The following DOK6 variants were observed in gnomAD, a reference collection of about 807,000 sequenced individuals.
The protein encoded by DOK6 is downstream of tyrosine kinase 6.
In DOK6, 22 loss-of-function variants were observed where a neutral mutation model predicts 44.0. That is an observed-to-expected ratio of 0.50 (90% CI 0.36 to 0.71). DOK6 has a LOEUF of 0.71. DOK6 is among the 30% of genes least tolerant of loss of function. DOK6 has a pLI of 0.00. For missense variants in DOK6, 340 were observed against 416.4 expected (o/e 0.82, Z 1.60); for synonymous variants, 166 against 145.5 (o/e 1.14, Z -1.01).
intron 3 of DOK6, among the ~76,000 whole-genome samples, chr18:69,676,075 C>T (rs1985915775): frequency 1.3e-5 from 2 of 152,220 alleles, no homozygotes; most frequent in Non-Finnish European, 2.9e-5. Context: ...TGACTCCACT[C>T]AAGTGAGGGA....
At chr18:69,600,467 T>G (rs1309185404) in intron 3 of DOK6, among the ~76,000 whole-genome samples, 1 of 152,136 alleles carries the variant, frequency 6.6e-6, no homozygotes, top group Non-Finnish European at 1.5e-5. Context: ...CTGACCTCCT[T>G]GCATCATTTA....
At position 69,532,107 on chromosome 18, in the gene DOK6, C is replaced by T. The variant is rs557544186; in HGVS notation, c.67-32380C>T. The stretch of plus-strand genomic sequence containing the variant: ...CCCTCACTAAGAACTGAATCTGCTC[C>T]GACTTTGACCTTGGACTTCCTGGCT... On this transcript the variant is annotated intron_variant, in intron 1 of 7. Transcript: ENST00000382713. Among the ~76,000 whole-genome samples, 8 of 152,288 alleles carry T rather than the reference C, an allele frequency of 5.3e-5. No individual in the cohort carries two copies. The South Asian group carries it at 1.5e-3, about 28-fold the overall frequency.
chr18:69,578,514 A>G (rs1017037191), intron 2 of DOK6, among the ~76,000 whole-genome samples: 3 of 152,226 alleles, frequency 2.0e-5, no homozygotes, highest in African/African-American at 7.2e-5. Context: ...ATAGTGTGAA[A>G]GAATGTTCGG....
chr18:69,833,681 C>G (rs1981964622), intron 7 of DOK6, among the ~76,000 whole-genome samples: 1 of 151,844 alleles, frequency 6.6e-6, no homozygotes, highest in Admixed American at 6.6e-5. Context: ...TATTAATAAC[C>G]AGAATATATA....
At chr18:69,714,509 T>C (rs747410675) in intron 5 of DOK6, among the ~76,000 whole-genome samples, 4 of 152,202 alleles carry the variant, frequency 2.6e-5, no homozygotes, top group Non-Finnish European at 5.9e-5. Context: ...TATTGGCTCA[T>C]GCACCAATAT....
At chr18:69,436,009 T>A (rs2122433241) in intron 1 of DOK6, among the ~76,000 whole-genome samples, 2 of 152,294 alleles carry the variant, frequency 1.3e-5, no homozygotes, top group South Asian at 4.1e-4. Context: ...TGTACTATTT[T>A]AACTGAAGGT....
chr18:69,436,935 T>C (rs1978997123), intron 1 of DOK6, among the ~76,000 whole-genome samples: 2 of 152,230 alleles, frequency 1.3e-5, no homozygotes, highest in African/African-American at 4.8e-5. Context: ...TTTTCTATGT[T>C]TGTTGCCTGC....
intron 3 of DOK6, among the ~76,000 whole-genome samples, chr18:69,627,631 A>G (rs984913867): frequency 2.0e-5 from 3 of 151,846 alleles, no homozygotes; most frequent in Non-Finnish European, 4.4e-5. Flanking sequence ...TTGTATTTTT[A>G]GTAGAGACGG....
At chr18:69,524,233 G>A (rs1981767756) in intron 1 of DOK6, among the ~76,000 whole-genome samples, 1 of 151,874 alleles carries the variant, frequency 6.6e-6, no homozygotes, top group Non-Finnish European at 1.5e-5. Flanking sequence ...AAAGTTACAT[G>A]GTGAATTAAT....
chr18:69,667,628 ACT>A (rs1186225011), intron 3 of DOK6, among the ~76,000 whole-genome samples: 2 of 151,764 alleles, frequency 1.3e-5, no homozygotes, highest in African/African-American at 4.8e-5. Context: ...AAAGTCAGCT[ACT>A]CTCTCCTCCT....
At chr18:69,757,505 T>C (rs939375290) in intron 6 of DOK6, among the ~76,000 whole-genome samples, 4 of 152,238 alleles carry the variant, frequency 2.6e-5, no homozygotes, top group Non-Finnish European at 4.4e-5. Flanking sequence ...TCCCCATTGC[T>C]ACAAGTCATT....
intron 1 of DOK6, among the ~76,000 whole-genome samples, chr18:69,520,278 C>CAAAA (rs34729428): frequency 0.2 from 29,801 of 151,324 alleles, 3,133 homozygotes; most frequent in African/African-American, 0.24. Context: ...TAGACCTAGT[C>CAAAA]AAAAATATAC....
chr18:69,443,045 T>C (rs1419457591), intron 1 of DOK6, among the ~76,000 whole-genome samples: 1 of 152,238 alleles, frequency 6.6e-6, no homozygotes, highest in Admixed American at 6.5e-5. Flanking sequence ...CTCATTTTTT[T>C]TCATTTGGTA....
At chr18:69,504,061 A>G (rs1981119088) in intron 1 of DOK6, among the ~76,000 whole-genome samples, 1 of 152,076 alleles carries the variant, frequency 6.6e-6, no homozygotes, top group South Asian at 2.1e-4. Context: ...ATAATACTGT[A>G]GGTTTCCATG....
At chr18:69,421,532 G>T (rs778684888) in intron 1 of DOK6, among the ~76,000 whole-genome samples, 1 of 152,126 alleles carries the variant, frequency 6.6e-6, no homozygotes, top group Non-Finnish European at 1.5e-5. Context: ...AAAATGCCAG[G>T]TGCATGGTAA....
intron 7 of DOK6, among the ~76,000 whole-genome samples, chr18:69,830,421 A>T (rs1319083744): frequency 6.6e-6 from 1 of 152,186 alleles, no homozygotes; most frequent in East Asian, 1.9e-4. Context: ...TGTTCTTATA[A>T]GAAAAGGAGA....
intron 1 of DOK6, among the ~76,000 whole-genome samples, chr18:69,553,903 A>G (rs1982626061): frequency 6.6e-6 from 1 of 152,176 alleles, no homozygotes. Context: ...TTTCAGTCTC[A>G]TGAGTGGTTT....
chr18:69,812,017 G>T (rs1250099816), intron 7 of DOK6, among the ~76,000 whole-genome samples: 2 of 151,680 alleles, frequency 1.3e-5, no homozygotes, highest in African/African-American at 4.8e-5. Flanking sequence ...AAACTATGAA[G>T]ACTACAATAT....
intron 1 of DOK6, among the ~76,000 whole-genome samples, chr18:69,423,473 T>C (rs544468025): frequency 1.3e-5 from 2 of 152,228 alleles, no homozygotes; most frequent in African/African-American, 4.8e-5. Flanking sequence ...CTACATAAGT[T>C]AATCACTTTT....
Sources: allele counts gnomAD v4.1 joint callset (sites outside exome capture counted in the v4.1 genomes callset), GRCh38; gene constraint gnomAD v4.1.1; transcripts MANE v1.5; gene names NCBI Gene and HGNC (gene_info 2026-07-23, HGNC 2026-07-21).